Variants in MFHAS1 observed in about 807,000 individuals in gnomAD.
MFHAS1 encodes the protein multifunctional ROCO family signaling regulator 1.
A neutral mutation model predicts 70.4 loss-of-function variants in MFHAS1; 50 were observed. That is an observed-to-expected ratio of 0.71 (90% confidence interval 0.57 to 0.90). MFHAS1 has a LOEUF of 0.90. Ranked by LOEUF, MFHAS1 falls within the 40% of genes least tolerant of loss-of-function variation. The pLI is 0.00. For missense variants in MFHAS1, 1,795 were observed against 1,347.6 expected, an observed-to-expected ratio of 1.33 and a Z score of -5.20; for synonymous variants, 952 against 620.0, an observed-to-expected ratio of 1.54 and a Z score of -7.96.
intron 1 of MFHAS1, among the ~76,000 whole-genome samples, chr8:8,850,512 G>T (rs1405944710): frequency 6.6e-6 from 1 of 152,160 alleles, no homozygotes; most frequent in Non-Finnish European, 1.5e-5. Flanking sequence ...CCTCTGAAAT[G>T]TCCAAAGCCA....
chr8:8,790,444 G>A, intron 2 of MFHAS1: 1 of 913,252 alleles, frequency 1.1e-6, no homozygotes, highest in Non-Finnish European at 1.3e-6. Flanking sequence ...CCTAAGCAGA[G>A]AGGGAAAAAT....
rs752622637 is a variant in MFHAS1 at position 8,890,980 on chromosome 8, C to G, written c.2079G>C (p.Ala693=). Residue 693 remains alanine (A), a synonymous_variant, in exon 1 of 3, where the codon GCG becomes GCC. Coordinates refer to ENST00000276282, the MANE Select transcript of MFHAS1 (RefSeq NM_004225.3). ...WWDSARLGLQ[A]GLTEDRLQSA... Reference sequence around the variant, plus strand: ...TCTGCAGTCGGTCCTCGGTCAGACCCGCCTGCAGGCCCAAGCGCGCCGAGT... The same window carrying G: ...TCTGCAGTCGGTCCTCGGTCAGACCGGCCTGCAGGCCCAAGCGCGCCGAGT... 23 of 1,613,930 alleles carry G rather than the reference C, an allele frequency of 1.4e-5. No individual in the cohort carries two copies. The highest frequency in any genetic ancestry group is 2.2e-5 in the South Asian group (2 of 91,068).
chr8:8,819,245 A>G (rs1420413591), intron 1 of MFHAS1, among the ~76,000 whole-genome samples: 1 of 152,228 alleles, frequency 6.6e-6, no homozygotes, highest in Non-Finnish European at 1.5e-5. Context: ...CTCATTATAT[A>G]CATGCAAATA....
At chr8:8,816,195 G>A (rs983789467) in intron 1 of MFHAS1, among the ~76,000 whole-genome samples, 1 of 152,150 alleles carries the variant, frequency 6.6e-6, no homozygotes, top group Non-Finnish European at 1.5e-5. Flanking sequence ...AGGAGTGAGG[G>A]TGATGGACAT....
Position 8,844,740 on chromosome 8 carries a change from T to C in MFHAS1, c.2998+45321A>G, listed in dbSNP as rs112961105. ...AATTATAATTGGCATATTGGATTAC[T>C]GACCATTCCTCTTCCCCAACTTGAT... On this transcript the variant is annotated intron_variant, in intron 1 of 2. Transcript: ENST00000276282. Among the ~76,000 whole-genome samples the C allele has an allele frequency of 2.5e-3, 382 of 152,356 alleles. 3 individuals are homozygous for C. The highest frequency in any genetic ancestry group is 8.8e-3 in the African/African-American group (368 of 41,582).
chr8:8,820,371 G>C (rs1237370619), intron 1 of MFHAS1, among the ~76,000 whole-genome samples: 1 of 151,962 alleles, frequency 6.6e-6, no homozygotes, highest in Non-Finnish European at 1.5e-5. Flanking sequence ...GGAATTTTTT[G>C]TGTTGATTTC....
chr8:8,814,144 G>A (rs890399156), intron 1 of MFHAS1, among the ~76,000 whole-genome samples: 8 of 152,014 alleles, frequency 5.3e-5, no homozygotes, highest in African/African-American at 1.9e-4. Flanking sequence ...CGCCATGTTG[G>A]CCAGGCTGGC....
chr8:8,787,068 TACTC>T (rs1379407248), intron 2 of MFHAS1, among the ~76,000 whole-genome samples: 6 of 144,674 alleles, frequency 4.1e-5, no homozygotes, highest in Non-Finnish European at 6.0e-5. Context: ...AGCTCCATCT[TACTC>T]AGTATTATTA....
At chr8:8,845,146 AG>A (rs2116860750) in intron 1 of MFHAS1, among the ~76,000 whole-genome samples, 1 of 152,344 alleles carries the variant, frequency 6.6e-6, no homozygotes, top group East Asian at 1.9e-4. Context: ...ATATGCAAAG[AG>A]GATAAAATCA....
Position 8,891,110 on chromosome 8 carries a change from TCTCGGTG to T in MFHAS1, c.1942_1948del (p.His648ArgfsTer32). 6.2e-7 allele frequency: 1 copy of T among 1,613,824 alleles called. No homozygotes were observed. The highest frequency in any genetic ancestry group is 8.5e-7 in the Non-Finnish European group (1 of 1,180,014). ...TACTCTGTGTAAGTTGGGGAAGATC[TCTCGGTG>T]CTCAGCAACTGACAGCAACTTGTCC... On this transcript the variant is annotated frameshift_variant, in exon 1 of 3. Transcript: ENST00000276282. LOFTEE classifies it high-confidence loss of function. The surrounding 1 kb of genome is among the most constrained non-coding windows in gnomAD (Gnocchi z 5.4).
At chr8:8,855,435 A>G (rs1168418013) in intron 1 of MFHAS1, among the ~76,000 whole-genome samples, 1 of 152,266 alleles carries the variant, frequency 6.6e-6, no homozygotes, top group Non-Finnish European at 1.5e-5. Context: ...ACAGGGAAGG[A>G]GCAATTAAAT....
At chr8:8,878,175 C>A (rs780288141) in intron 1 of MFHAS1, among the ~76,000 whole-genome samples, 1 of 152,184 alleles carries the variant, frequency 6.6e-6, no homozygotes, top group African/African-American at 2.4e-5. Context: ...CAGTACCAGA[C>A]TGTCTGCCCA....
intron 1 of MFHAS1, among the ~76,000 whole-genome samples, chr8:8,866,237 T>C (rs1396012255): frequency 6.6e-6 from 1 of 152,106 alleles, no homozygotes; most frequent in Non-Finnish European, 1.5e-5. Flanking sequence ...ATCCCTGTTT[T>C]ATCAGACGAT....
intron 1 of MFHAS1, among the ~76,000 whole-genome samples, chr8:8,848,223 C>T (rs1482223189): frequency 1.3e-5 from 2 of 152,192 alleles, no homozygotes; most frequent in East Asian, 1.9e-4. Flanking sequence ...CATCTGCATC[C>T]TGCTGTTCTC....
At chr8:8,846,795 C>T (rs1306888894) in intron 1 of MFHAS1, among the ~76,000 whole-genome samples, 1 of 152,024 alleles carries the variant, frequency 6.6e-6, no homozygotes, top group African/African-American at 2.4e-5. Flanking sequence ...ACAGGTTTTC[C>T]TTGGCTGCTT....
rs536553144 is a variant in MFHAS1, at chr8:8,845,718, T to G, written c.2998+44343A>C. On this transcript the variant is annotated intron_variant, in intron 1 of 2. Transcript: ENST00000276282. The stretch of plus-strand genomic sequence containing the variant: ...GCACACTTATCCCTATAGAAAAGCA[T>G]AGAGAAGACTGAATGAGACAATAAT... Among the ~76,000 whole-genome samples the G allele has an allele frequency of 7.9e-5, 12 of 152,306 alleles. No homozygotes were observed. In the South Asian group the frequency reaches 2.3e-3, roughly 29 times the overall value.
At chr8:8,795,620 T>C (rs1040242828) in intron 2 of MFHAS1, among the ~76,000 whole-genome samples, 4 of 152,246 alleles carry the variant, frequency 2.6e-5, no homozygotes, top group Non-Finnish European at 4.4e-5. Flanking sequence ...TTTCCCAGTT[T>C]GGAGAAACGG....
At chr8:8,835,291 C>A (rs1180074384) in intron 1 of MFHAS1, among the ~76,000 whole-genome samples, 2 of 152,138 alleles carry the variant, frequency 1.3e-5, no homozygotes, top group East Asian at 3.8e-4. Context: ...ATAAATTATA[C>A]CTTAATAAAG....
Position 8,792,693 on chromosome 8 carries a change from G to C in MFHAS1, c.3125+4672C>G, listed in dbSNP as rs1385187719. 2.6e-5 allele frequency among the ~76,000 whole-genome samples: 4 copies of C among 152,304 alleles called. No individual in the cohort carries two copies. The East Asian group carries it at 7.7e-4, about 29-fold the overall frequency. Reference sequence around the variant, plus strand: ...TAAGACACAAGTTAACTGCAAATAGGCAGGAGATTTCTTTTTGGGGTGAAG... The same window carrying C: ...TAAGACACAAGTTAACTGCAAATAGCCAGGAGATTTCTTTTTGGGGTGAAG... On this transcript the variant is annotated intron_variant, in intron 2 of 2. Coordinates refer to ENST00000276282, the MANE Select transcript of MFHAS1 (RefSeq NM_004225.3).
Sources: gnomAD v4.1 joint callset for allele counts (sites outside exome capture counted in the v4.1 genomes callset) on GRCh38, gnomAD v4.1.1 for gene constraint, Gnocchi (gnomAD v3.1) non-coding constraint, MANE v1.5 for transcripts, NCBI Gene and HGNC (gene_info 2026-07-23, HGNC 2026-07-21) for gene names.